Variants in NFATC2 observed in about 807,000 individuals in gnomAD.
The protein encoded by NFATC2 is nuclear factor of activated T cells 2.
Under a neutral mutation model 87.3 loss-of-function variants are expected in NFATC2, and 22 were observed. The observed-to-expected ratio is 0.25, with a 90% CI of 0.18 to 0.36. The LOEUF (loss-of-function observed/expected upper bound fraction) is 0.36. NFATC2 is among the 10% of genes least tolerant of loss of function. The probability of loss-of-function intolerance (pLI) is 1.00; values close to 1 mark genes in which losing one functional copy is unlikely to be tolerated. For synonymous variants in NFATC2, 565 were observed against 542.2 expected, an observed-to-expected ratio of 1.04 and a Z score of -0.58; for missense variants, 1,149 against 1,259.1, an observed-to-expected ratio of 0.91 and a Z score of 1.32.
Position 51,475,475 on chromosome 20 carries a change from T to G in NFATC2, c.1518A>C (p.Lys506Asn). The G allele has an allele frequency of 1.2e-6, 2 of 1,613,908 alleles. No individual in the cohort carries two copies. The highest frequency in any genetic ancestry group is 1.7e-6 in the Non-Finnish European group (2 of 1,180,016). The change falls in exon 4 of 11, where the codon AAA becomes AAC. Residue 506 changes from lysine (K) to asparagine (N), a missense_variant. Physicochemically the swap from Lys to Asn is moderately conservative, Grantham distance 94. This residue lies in a region of NFATC2 where 581 missense variants were observed against 649.7 expected (regional missense o/e 0.89). Coordinates refer to ENST00000371564, the MANE Select transcript of NFATC2 (RefSeq NM_012340.5). The part of the protein sequence containing the change: ...TKVLEIPLEP[K>N]NNMRATIDCA... ...GCCCTTACGTTGCCCTCATGTTGTT[T>G]TTGGGCTCCAAGGGTATCTCCAGGA... is the stretch of plus-strand genomic sequence containing the variant.
At chr20:51,481,158 C>T (rs909556350) in intron 3 of NFATC2, among the ~76,000 whole-genome samples, 1 of 152,202 alleles carries the variant, frequency 6.6e-6, no homozygotes, top group African/African-American at 2.4e-5. Flanking sequence ...AAGAGCCTTC[C>T]TCGCCAGGTC....
At chr20:51,469,791 C>T (rs1347860274) in intron 5 of NFATC2, among the ~76,000 whole-genome samples, 1 of 152,124 alleles carries the variant, frequency 6.6e-6, no homozygotes, top group Non-Finnish European at 1.5e-5. Flanking sequence ...CAAAAGCTGG[C>T]GGGGATGGCA....
rs2076519180 is a variant in NFATC2 at position 51,524,920 on chromosome 20, T to C, written c.131-810A>G. Among the ~76,000 whole-genome samples the C allele has an allele frequency of 6.6e-6, 1 of 152,014 alleles. No individual in the cohort carries two copies. The highest frequency in any genetic ancestry group is 2.4e-5 in the African/African-American group (1 of 41,398). On this transcript the variant is annotated intron_variant, in intron 1 of 10. Transcript: ENST00000371564. The surrounding 1 kb of genome is among the most constrained non-coding windows in gnomAD (Gnocchi z 4.0). ...CAGAGGTTACCTGACACCCAAACTA[T>C]TAGACCCAATGGATGCAGGCCGGGC...
At chr20:51,403,249 T>G (rs6013177) in intron 9 of NFATC2, among the ~76,000 whole-genome samples, 141,712 of 152,324 alleles carry the variant, frequency 0.93, 66,048 homozygotes, top group African/African-American at 0.98. Context: ...CCACTAGGCT[T>G]CCTGCAAAGA....
rs1983002129 is a variant in NFATC2, at chr20:51,432,970, A to G, written c.2033-214T>C. ...ACCCTGGCCATGAACATCTTGAATT[A>G]TAGATTTTTCCAATATTGGAAAGGT... On this transcript the variant is annotated intron_variant, in intron 8 of 10. Transcript: ENST00000371564. The surrounding 1 kb of genome is among the most constrained non-coding windows in gnomAD (Gnocchi z 4.6). 6.6e-6 allele frequency among the ~76,000 whole-genome samples: 1 copy of G among 152,082 alleles called. No homozygotes were observed. The highest frequency in any genetic ancestry group is 1.5e-5 in the Non-Finnish European group (1 of 68,004).
In NFATC2 at chr20:51,474,048, C is replaced by T; in HGVS notation, c.1640G>A (p.Arg547Gln). 2.5e-6 allele frequency: 4 copies of T among 1,614,252 alleles called. No homozygotes were observed. The highest frequency in any genetic ancestry group is 1.3e-5 in the African/African-American group (1 of 75,058). Residue 547 changes from arginine (R) to glutamine (Q), a missense_variant, in exon 5 of 11, where the codon CGA becomes CAA. Coordinates refer to ENST00000371564, the MANE Select transcript of NFATC2 (RefSeq NM_012340.5). ...GCCACTGGACTCTGGGATGTGAACT[C>T]GGAAAACCAGTCTCACCCGCGTGTT... is the stretch of plus-strand genomic sequence containing the variant. ...RKNTRVRLVF[R>Q]VHIPESSGRI...
intron 9 of NFATC2, among the ~76,000 whole-genome samples, chr20:51,406,763 G>A (rs1192885209): frequency 2.6e-5 from 4 of 152,230 alleles, no homozygotes; most frequent in Non-Finnish European, 5.9e-5. Flanking sequence ...CCTCTCTAGA[G>A]AGGGTGTGAC....
At chr20:51,496,084 G>T (rs780546546) in intron 3 of NFATC2, among the ~76,000 whole-genome samples, 4 of 152,128 alleles carry the variant, frequency 2.6e-5, no homozygotes, top group Non-Finnish European at 5.9e-5. Flanking sequence ...GCCCAGAGGA[G>T]CCAGGTGAGG....
At chr20:51,525,281 TC>T (rs1380027998) in intron 1 of NFATC2, among the ~76,000 whole-genome samples, 2 of 152,190 alleles carry the variant, frequency 1.3e-5, no homozygotes, top group East Asian at 3.9e-4. Context: ...TGACCTAACT[TC>T]CTCTTTTAGC....
At chr20:51,559,928 T>G (rs1385055012) in intron 1 of NFATC2, among the ~76,000 whole-genome samples, 1 of 152,232 alleles carries the variant, frequency 6.6e-6, no homozygotes, top group Non-Finnish European at 1.5e-5. Flanking sequence ...CATTATTCCT[T>G]TTTGCAAATG....
intron 2 of NFATC2, among the ~76,000 whole-genome samples, chr20:51,522,569 A>T (rs2076464747): frequency 8.7e-6 from 1 of 114,880 alleles, no homozygotes. Flanking sequence ...TGGCTCACAT[A>T]TTTCTTTTTT....
Position 51,542,583 on chromosome 20 carries a change from A to G in NFATC2, c.-84T>C. On this transcript the variant is annotated 5_prime_UTR_variant, in exon 1 of 11. Coordinates refer to ENST00000371564, the MANE Select transcript of NFATC2 (RefSeq NM_012340.5). ...GGACCCCTCGCAGTGGGGCTGGCGG[A>G]GGCGGCTCGAGCGGCGGGGTCCCTT... The G allele has an allele frequency of 8.0e-7, 1 of 1,249,962 alleles. No individual in the cohort carries two copies. The highest frequency in any genetic ancestry group is 3.5e-5 in the South Asian group (1 of 28,756). The allele number at this position is 1,249,962 out of a possible 1,614,324, so 77.4% of individuals were successfully genotyped here.
intron 3 of NFATC2, among the ~76,000 whole-genome samples, chr20:51,479,798 A>G (rs1231373197): frequency 6.6e-6 from 1 of 152,182 alleles, no homozygotes; most frequent in Admixed American, 6.5e-5. Context: ...AACTTGTCCC[A>G]GTCAACACAG....
chr20:51,450,552 G>A (rs1985639019), intron 6 of NFATC2, among the ~76,000 whole-genome samples: 1 of 152,150 alleles, frequency 6.6e-6, no homozygotes, highest in Admixed American at 6.5e-5. Context: ...AGTGCATGCT[G>A]CTTATTTACA....
chr20:51,465,849 A>C (rs1340647016), intron 5 of NFATC2, among the ~76,000 whole-genome samples: 2 of 151,938 alleles, frequency 1.3e-5, no homozygotes, highest in East Asian at 3.9e-4. Context: ...GAGGGCAGGG[A>C]CTTTGTTTTG....
chr20:51,402,852 T>C lies in NFATC2; in HGVS notation c.2723-4122A>G, dbSNP rs537791439. Among the ~76,000 whole-genome samples the C allele has an allele frequency of 1.1e-4, 16 of 152,352 alleles. No homozygotes were observed. The South Asian group carries it at 3.1e-3, about 30-fold the overall frequency. On this transcript the variant is annotated intron_variant, in intron 9 of 10. Transcript: ENST00000371564. ...CTTCTGGGAGAAGGGGCAAAACCCCTGGCCTGGCTTCATAAAGATATTTCT... is the reference window on the plus strand; with the variant it reads ...CTTCTGGGAGAAGGGGCAAAACCCCCGGCCTGGCTTCATAAAGATATTTCT...
chr20:51,499,603 T>G (rs961980368), intron 3 of NFATC2, among the ~76,000 whole-genome samples: 1 of 151,844 alleles, frequency 6.6e-6, no homozygotes. Context: ...AATACAAAAA[T>G]TAGCCAGGCG....
At chr20:51,505,379 A>G (rs1338768992) in intron 3 of NFATC2, among the ~76,000 whole-genome samples, 2 of 151,898 alleles carry the variant, frequency 1.3e-5, no homozygotes, top group Admixed American at 1.3e-4. Context: ...AAGTAAAATA[A>G]TTGAATAAAA....
intron 3 of NFATC2, among the ~76,000 whole-genome samples, chr20:51,482,646 C>T (rs1015676397): frequency 1.3e-5 from 2 of 152,202 alleles, no homozygotes; most frequent in Non-Finnish European, 2.9e-5. Context: ...TCCATCACCT[C>T]ACATACTTAT....
Sources: allele counts gnomAD v4.1 joint callset (sites outside exome capture counted in the v4.1 genomes callset), GRCh38; gene constraint gnomAD v4.1.1; regional missense constraint gnomAD v4.1.1; non-coding constraint Gnocchi (gnomAD v3.1); transcripts MANE v1.5; gene names NCBI Gene and HGNC (gene_info 2026-07-23, HGNC 2026-07-21).